Variants in KLHL33 observed in about 807,000 individuals in gnomAD.
KLHL33 encodes kelch-like protein 33.
KLHL33 carries 46 observed loss-of-function variants against 60.8 expected under a neutral mutation model. That is an observed-to-expected ratio of 0.76 (90% CI 0.60 to 0.97). The LOEUF (loss-of-function observed/expected upper bound fraction) is 0.97. Among genes scored for constraint, KLHL33 ranks in the 50% least tolerant of loss-of-function variants. The pLI, the probability that KLHL33 is intolerant of heterozygous loss-of-function variation, is 0.00. For synonymous variants in KLHL33, 434 were observed against 432.2 expected (o/e 1.00, Z -0.05); for missense variants, 1,055 against 1,000.0 (o/e 1.05, Z -0.74).
intron 2 of KLHL33, among the ~76,000 whole-genome samples, chr14:20,434,434 G>A (rs545793795): frequency 1.4e-3 from 218 of 152,182 alleles, no homozygotes; most frequent in African/African-American, 4.8e-3. Context: ...CCAGCTACTC[G>A]GGAGGCTGAG....
intron 1 of KLHL33, 79 bp from the exon 2 acceptor site, chr14:20,435,909 T>C (rs1880681068): frequency 9.3e-7 from 1 of 1,070,624 alleles, no homozygotes; most frequent in East Asian, 3.2e-5. Context: ...CTCCAGCCAG[T>C]TGAAATGTCA....
rs1041981177 is a variant in KLHL33, at chr14:20,430,319, C to T, written c.1149G>A (p.Leu383=). The T allele has an allele frequency of 2.6e-6, 4 of 1,551,844 alleles. No individual in the cohort carries two copies. In the South Asian group the frequency reaches 4.8e-5, roughly 18 times the overall value. The change falls in exon 3 of 5, where the codon TTG becomes TTA. Residue 383 remains leucine (L), a synonymous_variant. Coordinates refer to ENST00000636854, the MANE Select transcript of KLHL33 (RefSeq NM_001365790.2). ...GCTCATCACTATCCAGGAGCTCAGC[C>T]AAGCAGGCAGCTGGTAAAGAAGGGA... The part of the protein sequence containing the change: ...PAFPSLPAAC[L]AELLDSDELH...
In KLHL33 at chr14:20,429,849, A is replaced by T. The variant is rs1167310660; in HGVS notation, c.1619T>A (p.Val540Glu). 1.9e-6 allele frequency: 3 copies of T among 1,551,470 alleles called. No individual in the cohort carries two copies. The Admixed American group carries it at 5.9e-5, about 30-fold the overall frequency. The stretch of plus-strand genomic sequence containing the variant: ...ACTGTAGAAATCTTGTCCCCCACAC[A>T]CATAGAGTTCACTTCCTGCCAGGCT... ...AASLAGSELYVCGGQDFYSHS... is the reference protein window; with the variant it reads ...AASLAGSELYECGGQDFYSHS... Residue 540 changes from valine (V) to glutamate (E), a missense_variant, in exon 3 of 5, where the codon GTG becomes GAG. By Grantham distance (121) the Val-to-Glu change is moderately radical. Coordinates refer to ENST00000636854, the MANE Select transcript of KLHL33 (RefSeq NM_001365790.2).
intron 2 of KLHL33, among the ~76,000 whole-genome samples, chr14:20,434,784 C>T (rs1015874909): frequency 6.6e-6 from 1 of 152,084 alleles, no homozygotes; most frequent in African/African-American, 2.4e-5. Context: ...ATGGATTGTA[C>T]CCTTAGCTCT....
At position 20,435,075 on chromosome 14, in the gene KLHL33, C is replaced by A; in HGVS notation, c.737G>T (p.Cys246Phe). 1 of 1,234,528 alleles carries A rather than the reference C, an allele frequency of 8.1e-7. No homozygotes were observed. The highest frequency in any genetic ancestry group is 1.0e-6 in the Non-Finnish European group (1 of 988,254). The allele number at this position is 1,234,528 out of a possible 1,614,324, so 76.5% of individuals were successfully genotyped here. A position where few individuals can be genotyped will look rare whatever the true frequency, so the allele number is the denominator to read the frequency against. Reference protein sequence around the residue: ...GCDLKLEAGGCQLSVHRAALA... With the variant: ...GCDLKLEAGGFQLSVHRAALA... ...CCACAGGCCCTCACCCGACAGCTGG[C>A]AGCCGCCTGCCTCCAGCTTCAAGTC... is the stretch of plus-strand genomic sequence containing the variant. The change falls in exon 2 of 5, where the codon TGC becomes TTC. Residue 246 changes from cysteine (C) to phenylalanine (F), a missense_variant. Transcript: ENST00000636854.
At chr14:20,429,437 C>T in intron 4 of KLHL33, 36 bp from the exon 5 acceptor site, 1 of 1,549,694 alleles carries the variant, frequency 6.5e-7, no homozygotes, top group Non-Finnish European at 8.7e-7. Flanking sequence ...AGGCAACTAG[C>T]ATCTTCAACT....
Position 20,430,643 on chromosome 14 carries a change from G to T in KLHL33, c.825C>A (p.Gly275=). The change falls in exon 3 of 5, where the codon GGC becomes GGA. Residue 275 remains glycine (G), a synonymous_variant. Transcript: ENST00000636854. ...MLLSGMRESQ[G]TEVSLRTIST... ...AGATCGTCCGCAGAGATACCTCTGT[G>T]CCCTGGGATTCCCTCATCCCGCTCA... 6.5e-7 allele frequency: 1 copy of T among 1,535,572 alleles called. No individual in the cohort carries two copies. The highest frequency in any genetic ancestry group is 8.7e-7 in the Non-Finnish European group (1 of 1,146,880).
chr14:20,432,926 A>AAAAGAAAGAAG (rs545614220), intron 2 of KLHL33, among the ~76,000 whole-genome samples: 3 of 104,672 alleles, frequency 2.9e-5, no homozygotes, highest in Non-Finnish European at 5.5e-5. Context: ...CATCTCAAAA[A>AAAAGAAAGAAG]AAAGAAAGAA....
chr14:20,432,216 G>A (rs2139270714), intron 2 of KLHL33, among the ~76,000 whole-genome samples: 1 of 151,846 alleles, frequency 6.6e-6, no homozygotes, highest in South Asian at 2.1e-4. Context: ...CCAGCTTCAT[G>A]TGATTCTCGT....
intron 1 of KLHL33, 99 bp from the exon 2 acceptor site, chr14:20,435,929 C>A (rs767519931): frequency 4.8e-6 from 4 of 837,130 alleles, no homozygotes; most frequent in Non-Finnish European, 6.4e-6. Context: ...AGTCTCTCCC[C>A]TGCTCCAACA....
Position 20,429,497 on chromosome 14 carries a change from C to G in KLHL33, c.1841+5G>C, listed in dbSNP as rs756396776. 2.6e-6 allele frequency: 4 copies of G among 1,552,156 alleles called. No individual in the cohort carries two copies. On this transcript the variant is annotated splice_donor_5th_base_variant and intron_variant, in intron 4 of 4. Transcript: ENST00000636854. ...TCTCTCCCAGATGCCCCCTTGCCTG[C>G]TTACCTCCAGACATTGAGCTCAGGG...
chr14:20,429,158 G>A lies in KLHL33; in HGVS notation c.2085C>T (p.Asp695=). 1 of 1,551,660 alleles carries A rather than the reference G, an allele frequency of 6.4e-7. No homozygotes were observed. Among genetic ancestry groups the A allele is most frequent in the Non-Finnish European group, 8.7e-7 (1 of 1,146,988 alleles). ...YVAGGLGETE[D]LLSFEAYELR... Reference sequence around the variant, plus strand: ...GTTCATAGGCCTCAAAGCTTAGCAGGTCCTCAGTCTCACCCAGCCCACCTG... The same window carrying A: ...GTTCATAGGCCTCAAAGCTTAGCAGATCCTCAGTCTCACCCAGCCCACCTG... The change falls in exon 5 of 5, where the codon GAC becomes GAT. Residue 695 remains aspartate (D), a synonymous_variant. Coordinates refer to ENST00000636854, the MANE Select transcript of KLHL33 (RefSeq NM_001365790.2).
chr14:20,432,972 AAGAAAGAAAGAAAGAG>A, intron 2 of KLHL33, among the ~76,000 whole-genome samples: 2 of 151,748 alleles, frequency 1.3e-5, no homozygotes, highest in South Asian at 4.2e-4. Context: ...GAAAGAAAGA[AAGAAAGAAAGAAAGAG>A]AGAAATTACT....
At chr14:20,434,963 G>T (rs549540840) in intron 2 of KLHL33, 101 bp downstream of exon 2, 2 of 1,037,386 alleles carry the variant, frequency 1.9e-6, no homozygotes, top group South Asian at 5.1e-5. Flanking sequence ...CAGCAGCAGG[G>T]ATCAAAACCA....
chr14:20,432,956 A>AAGAAAGAAAGAAAGAAAGAAAGAC, intron 2 of KLHL33, among the ~76,000 whole-genome samples: 1 of 151,610 alleles, frequency 6.6e-6, no homozygotes, highest in East Asian at 1.9e-4. Context: ...GAAAGAAAGA[A>AAGAAAGAAAGAAAGAAAGAAAGAC]AGAAAGAAAG....
At chr14:20,431,363 G>A (rs1269714748) in intron 2 of KLHL33, among the ~76,000 whole-genome samples, 2 of 152,164 alleles carry the variant, frequency 1.3e-5, no homozygotes, top group African/African-American at 2.4e-5. Flanking sequence ...TGTTCTTGGT[G>A]TAATTTGTAG....
rs1398278854 is a variant in KLHL33 at position 20,435,047 on chromosome 14, G to C, written c.748+17C>G. 2 of 1,234,076 alleles carry C rather than the reference G, an allele frequency of 1.6e-6. No individual in the cohort carries two copies. Among genetic ancestry groups the C allele is most frequent in the Non-Finnish European group, 2.0e-6 (2 of 988,014 alleles). The allele number at this position is 1,234,076 out of a possible 1,614,324, so 76.4% of individuals were successfully genotyped here. ...GCATATGCACCTGCAGTAATTTAATGCCCCACAGGCCCTCACCCGACAGCT... is the reference window on the plus strand; with the variant it reads ...GCATATGCACCTGCAGTAATTTAATCCCCCACAGGCCCTCACCCGACAGCT... On this transcript the variant is annotated intron_variant, in intron 2 of 4. Coordinates refer to ENST00000636854, the MANE Select transcript of KLHL33 (RefSeq NM_001365790.2).
chr14:20,430,750 C>G (rs1473447419), intron 2 of KLHL33, 31 bp from the exon 3 acceptor site: 10 of 1,441,996 alleles, frequency 6.9e-6, no homozygotes, highest in Non-Finnish European at 9.2e-6. Flanking sequence ...TAGAGGAGGA[C>G]TCAAAGTATT....
At chr14:20,432,937 A>AGAAAGAAAGAAAGAAG (rs1880559445) in intron 2 of KLHL33, among the ~76,000 whole-genome samples, 1 of 149,030 alleles carries the variant, frequency 6.7e-6, no homozygotes, top group South Asian at 2.1e-4. Flanking sequence ...AAAGAAAGAA[A>AGAAAGAAAGAAAGAAG]GAAAGAAAGA....
Sources: gnomAD v4.1 joint callset for allele counts (sites outside exome capture counted in the v4.1 genomes callset) on GRCh38, gnomAD v4.1.1 for gene constraint, MANE v1.5 for transcripts, NCBI Gene and HGNC (gene_info 2026-07-23, HGNC 2026-07-21) for gene names.